The following PCDHGA11 variants were observed in gnomAD, a reference collection of about 807,000 sequenced individuals.
The protein encoded by PCDHGA11 is protocadherin gamma subfamily A, 11.
PCDHGA11 carries 39 observed loss-of-function variants against 60.4 expected under a neutral mutation model. That is an observed-to-expected ratio of 0.65 (90% confidence interval 0.50 to 0.84). The LOEUF (loss-of-function observed/expected upper bound fraction) is 0.84. PCDHGA11 is among the 40% of genes least tolerant of loss of function. PCDHGA11 has a pLI of 0.00. For missense variants in PCDHGA11, 1,165 were observed against 1,197.7 expected, an observed-to-expected ratio of 0.97 and a Z score of 0.40; for synonymous variants, 533 against 510.3, an observed-to-expected ratio of 1.04 and a Z score of -0.60.
At chr5:141,429,801 C>T (rs2097245893) in intron 1 of PCDHGA11, among the ~76,000 whole-genome samples, 1 of 152,104 alleles carries the variant, frequency 6.6e-6, no homozygotes, top group African/African-American at 2.4e-5. Flanking sequence ...CAGTAATTCT[C>T]AGTAATTACA....
chr5:141,467,371 A>G, intron 1 of PCDHGA11, among the ~76,000 whole-genome samples: 1 of 151,906 alleles, frequency 6.6e-6, no homozygotes, highest in Non-Finnish European at 1.5e-5. Context: ...GTTTTCTTAT[A>G]TTGCATTTAG....
rs2099664737 is a variant in PCDHGA11, at chr5:141,487,754, G to GTAGAC, written c.2434-7052_2434-7048dup. 1 of 1,552,036 alleles carries GTAGAC rather than the reference G, an allele frequency of 6.4e-7. No homozygotes were observed. The highest frequency in any genetic ancestry group is 1.4e-5 in the African/African-American group (1 of 73,242). ...CATTTTTGTAAGAGGTAACTATGTG[G>GTAGAC]TAGACGCTGTGCTTTGTAACTGTTT... On this transcript the variant is annotated intron_variant, in intron 1 of 3. Transcript: ENST00000398587. This position sits in a 1 kb window ranked among gnomAD's most constrained non-coding sequence, Gnocchi z 5.0.
intron 1 of PCDHGA11, among the ~76,000 whole-genome samples, chr5:141,464,203 T>G (rs2099077714): frequency 6.6e-6 from 1 of 150,780 alleles, no homozygotes; most frequent in South Asian, 2.1e-4. Flanking sequence ...AGGCGGAGAT[T>G]GCAGTGAGCT....
At chr5:141,484,359 T>A (rs1218120598) in intron 1 of PCDHGA11, among the ~76,000 whole-genome samples, 1 of 152,222 alleles carries the variant, frequency 6.6e-6, no homozygotes, top group Non-Finnish European at 1.5e-5. Context: ...GTGTATCTAG[T>A]GTATCACTAG....
At chr5:141,461,981 G>A (rs755173695) in intron 1 of PCDHGA11, among the ~76,000 whole-genome samples, 4 of 152,078 alleles carry the variant, frequency 2.6e-5, no homozygotes, top group Non-Finnish European at 5.9e-5. Context: ...ATGCCACCAC[G>A]CCAGGCTAAT....
chr5:141,486,598 C>T lies in PCDHGA11; in HGVS notation c.2434-8209C>T. 2 of 1,613,604 alleles carry T rather than the reference C, an allele frequency of 1.2e-6. No homozygotes were observed. Among genetic ancestry groups the T allele is most frequent in the Non-Finnish European group, 1.7e-6 (2 of 1,179,998 alleles). ...ACAATCGCCCAGGGGACCTGCTTTG[C>T]TCCCTTGCAGCCTCTGACCCAGACT... On this transcript the variant is annotated intron_variant, in intron 1 of 3. Transcript: ENST00000398587. The surrounding 1 kb of genome is among the most constrained non-coding windows in gnomAD (Gnocchi z 5.0).
chr5:141,494,661 G>A, intron 1 of PCDHGA11, 146 bp from the exon 2 acceptor site: 2 of 1,492,976 alleles, frequency 1.3e-6, no homozygotes, highest in Non-Finnish European at 1.8e-6. Context: ...TTTGTCTTTG[G>A]AGATGAGTCC....
chr5:141,460,834 A>G (rs757757290), intron 1 of PCDHGA11, among the ~76,000 whole-genome samples: 11 of 151,874 alleles, frequency 7.2e-5, no homozygotes, highest in Non-Finnish European at 1.3e-4. Context: ...CACTTAAAGT[A>G]ATGGCCTCCA....
Position 141,490,688 on chromosome 5 carries a change from C to G in PCDHGA11, c.2434-4119C>G. 1 of 1,614,218 alleles carries G rather than the reference C, an allele frequency of 6.2e-7. No individual in the cohort carries two copies. Among genetic ancestry groups the G allele is most frequent in the Non-Finnish European group, 8.5e-7 (1 of 1,180,032 alleles). On this transcript the variant is annotated intron_variant, in intron 1 of 3. Coordinates refer to ENST00000398587, the MANE Select transcript of PCDHGA11 (RefSeq NM_018914.3). The surrounding 1 kb of genome is among the most constrained non-coding windows in gnomAD (Gnocchi z 5.4). ...ACTGTGGCTGCCTCAGATCCAGACA[C>G]TGGGGATAATGCCCGCCTCACCTAC...
Position 141,422,654 on chromosome 5 carries a change from C to T in PCDHGA11, c.1427C>T (p.Thr476Ile). Residue 476 changes from threonine (T) to isoleucine (I), a missense_variant, in exon 1 of 4, where the codon ACC becomes ATC. Coordinates refer to ENST00000398587, the MANE Select transcript of PCDHGA11 (RefSeq NM_018914.3). ...AGGGGTGCCTCCATCTTCTCAGTGA[C>T]CGCCCTCGACCCGGACAGCAAACAG... ...NPRGASIFSV[T>I]ALDPDSKQNA... 1.2e-6 allele frequency: 2 copies of T among 1,610,030 alleles called. No homozygotes were observed. Among genetic ancestry groups the T allele is most frequent in the Non-Finnish European group, 1.7e-6 (2 of 1,177,718 alleles).
rs1303066281 is a variant in PCDHGA11, at chr5:141,511,199, G to A, written c.*26G>A. The A allele has an allele frequency of 1.2e-6, 2 of 1,612,750 alleles. No homozygotes were observed. The highest frequency in any genetic ancestry group is 1.3e-5 in the African/African-American group (1 of 74,896). On this transcript the variant is annotated 3_prime_UTR_variant, in exon 4 of 4. Transcript: ENST00000398587. The stretch of plus-strand genomic sequence containing the variant: ...CATGGAGGCCAGGCCAAGAGCCACA[G>A]GGCGGCCTCTCCCCAACCAGCCCAG...
At position 141,485,532 on chromosome 5, in the gene PCDHGA11, A is replaced by C. The variant is rs1360942348; in HGVS notation, c.2434-9275A>C. 6.2e-7 allele frequency: 1 copy of C among 1,614,108 alleles called. No individual in the cohort carries two copies. The highest frequency in any genetic ancestry group is 1.7e-5 in the Admixed American group (1 of 60,000). ...GGTCCTTTGGAAATGTACCGAGCAG[A>C]GGTAGAGATCGTAGATGTGAATGAT... On this transcript the variant is annotated intron_variant, in intron 1 of 3. Transcript: ENST00000398587. This position sits in a 1 kb window ranked among gnomAD's most constrained non-coding sequence, Gnocchi z 5.7.
rs375516156 is a variant in PCDHGA11 at position 141,510,311 on chromosome 5, C to G, written c.2582-636C>G. Among the ~76,000 whole-genome samples, 70 of 151,056 alleles carry G rather than the reference C, an allele frequency of 4.6e-4. No homozygotes were observed. The South Asian group carries it at 0.014, about 31-fold the overall frequency. On this transcript the variant is annotated intron_variant, in intron 3 of 3. Transcript: ENST00000398587. The stretch of plus-strand genomic sequence containing the variant: ...AAAAAATGCTGTTTTGAAATGGAGG[C>G]TTGGAAGAGCACTCTTCACCCCCAC...
Position 141,476,387 on chromosome 5 carries a change from C to G in PCDHGA11, c.2434-18420C>G, listed in dbSNP as rs147660262. Reference sequence around the variant, plus strand: ...GACCGGAGAGATGTTTGTGAACGACCGTCTGGATCGAGAGGAGCTGTGTGG... The same window carrying G: ...GACCGGAGAGATGTTTGTGAACGACGGTCTGGATCGAGAGGAGCTGTGTGG... On this transcript the variant is annotated intron_variant, in intron 1 of 3. Coordinates refer to ENST00000398587, the MANE Select transcript of PCDHGA11 (RefSeq NM_018914.3). The surrounding 1 kb of genome is among the most constrained non-coding windows in gnomAD (Gnocchi z 7.6). 3.6e-4 allele frequency: 587 copies of G among 1,614,076 alleles called. No individual in the cohort carries two copies. The highest frequency in any genetic ancestry group is 4.7e-4 in the Non-Finnish European group (549 of 1,180,024).
chr5:141,477,212 C>T lies in PCDHGA11; in HGVS notation c.2434-17595C>T, dbSNP rs1488282405. On this transcript the variant is annotated intron_variant, in intron 1 of 3. Coordinates refer to ENST00000398587, the MANE Select transcript of PCDHGA11 (RefSeq NM_018914.3). This position sits in a 1 kb window ranked among gnomAD's most constrained non-coding sequence, Gnocchi z 4.9. ...GTACAGCCCAGTACCCGAGGATGCC[C>T]CTCTGGGGACTGTCATCGCTTTGCT... 11 of 1,614,048 alleles carry T rather than the reference C, an allele frequency of 6.8e-6. No individual in the cohort carries two copies. The highest frequency in any genetic ancestry group is 1.3e-5 in the African/African-American group (1 of 74,918).
At chr5:141,434,323 T>G (rs578049856) in intron 1 of PCDHGA11, among the ~76,000 whole-genome samples, 1 of 152,358 alleles carries the variant, frequency 6.6e-6, no homozygotes, top group South Asian at 2.1e-4. Flanking sequence ...CTCTTGCTGC[T>G]TGTCTCTTTG....
At chr5:141,468,837 G>T in intron 1 of PCDHGA11, among the ~76,000 whole-genome samples, 1 of 152,108 alleles carries the variant, frequency 6.6e-6, no homozygotes, top group South Asian at 2.1e-4. Flanking sequence ...CTGCACTCCA[G>T]CCTGGGCAAC....
chr5:141,455,822 CCCCTTTTCCTGT>C (rs2098832641), intron 1 of PCDHGA11, among the ~76,000 whole-genome samples: 2 of 151,688 alleles, frequency 1.3e-5, no homozygotes, highest in African/African-American at 4.8e-5. Flanking sequence ...TTCCCAAGGA[CCCCTTTTCCTGT>C]CTATCTGCAT....
At chr5:141,465,978 C>T (rs568961720) in intron 1 of PCDHGA11, among the ~76,000 whole-genome samples, 7 of 151,998 alleles carry the variant, frequency 4.6e-5, no homozygotes, top group South Asian at 2.1e-4. Context: ...AAAAATTAGC[C>T]GGGCATGGTG....
Sources: gnomAD v4.1 joint callset for allele counts (sites outside exome capture counted in the v4.1 genomes callset) on GRCh38, gnomAD v4.1.1 for gene constraint, Gnocchi (gnomAD v3.1) non-coding constraint, MANE v1.5 for transcripts, NCBI Gene and HGNC (gene_info 2026-07-23, HGNC 2026-07-21) for gene names.